Variants in LCORL observed in about 807,000 individuals in gnomAD.
The protein encoded by LCORL is ligand-dependent nuclear receptor corepressor-like protein.
A neutral mutation model predicts 141.8 loss-of-function variants in LCORL; 41 were observed. The observed-to-expected ratio is 0.29, with a 90% CI of 0.23 to 0.38. The LOEUF is 0.38. Ranked by LOEUF, LCORL falls within the 10% of genes least tolerant of loss-of-function variation. The probability of loss-of-function intolerance (pLI) is 1.00; values close to 1 mark genes in which losing one functional copy is unlikely to be tolerated. For synonymous variants in LCORL, 618 were observed against 694.1 expected (o/e 0.89, Z 1.72); for missense variants, 1,759 against 2,035.0 (o/e 0.86, Z 2.61).
At chr4:18,009,367 A>C (rs1478682979) in intron 1 of LCORL, among the ~76,000 whole-genome samples, 1 of 150,582 alleles carries the variant, frequency 6.6e-6, no homozygotes, top group East Asian at 2.0e-4. Context: ...TTGGCCCCAA[A>C]ATCCCTACCC....
chr4:17,880,358 A>T, intron 6 of LCORL: 1 of 699,264 alleles, frequency 1.4e-6, no homozygotes, highest in Non-Finnish European at 1.8e-6. Flanking sequence ...TCTAGAATTT[A>T]TTCTCAGGTG....
Position 18,021,837 on chromosome 4 carries a change from G to A in LCORL, c.-86C>T, listed in dbSNP as rs1725676910. ...GCGAGCCCTCGGCGCGAGCCCCGGAGCGCGCGCCCCCCGGAGGGGGGTTGA... is the reference window on the plus strand; with the variant it reads ...GCGAGCCCTCGGCGCGAGCCCCGGAACGCGCGCCCCCCGGAGGGGGGTTGA... On this transcript the variant is annotated 5_prime_UTR_variant, in exon 1 of 8. Transcript: ENST00000635767. This position sits in a 1 kb window ranked among gnomAD's most constrained non-coding sequence, Gnocchi z 5.5. 2 of 1,386,146 alleles carry A rather than the reference G, an allele frequency of 1.4e-6. No homozygotes were observed. Among genetic ancestry groups the A allele is most frequent in the Admixed American group, 3.5e-5 (1 of 28,842 alleles). 85.9% of individuals were successfully genotyped at this position (1,386,146 alleles called of 1,614,324 possible). A position where few individuals can be genotyped will look rare whatever the true frequency, so the allele number is the denominator to read the frequency against.
intron 4 of LCORL, among the ~76,000 whole-genome samples, chr4:17,932,237 G>C (rs1029604264): frequency 6.6e-6 from 1 of 152,040 alleles, no homozygotes; most frequent in Non-Finnish European, 1.5e-5. Flanking sequence ...CTGTTTAACA[G>C]GGGAGTTCAA....
chr4:17,878,303 T>C, intron 6 of LCORL, 90 bp from the exon 7 acceptor site: 2 of 921,502 alleles, frequency 2.2e-6, no homozygotes, highest in Non-Finnish European at 2.8e-6. Flanking sequence ...AAAAGATATT[T>C]TGGTATTGCT....
At chr4:18,011,529 C>T (rs890140426) in intron 1 of LCORL, among the ~76,000 whole-genome samples, 3 of 151,722 alleles carry the variant, frequency 2.0e-5, no homozygotes, top group East Asian at 3.9e-4. Context: ...ACCTATAAAC[C>T]AATGGCACTG....
exon 4 of LCORL, chr4:17,961,988 C>T (rs774364018): frequency 1.9e-6 from 3 of 1,608,942 alleles, no homozygotes; most frequent in Non-Finnish European, 2.5e-6. Context: ...ATGATAGCTC[C>T]TCTGTTGGTG....
intron 1 of LCORL, among the ~76,000 whole-genome samples, chr4:18,011,705 T>G (rs928847679): frequency 6.6e-6 from 1 of 152,210 alleles, no homozygotes; most frequent in African/African-American, 2.4e-5. Context: ...AAATAAATGT[T>G]ACTGAAACGC....
chr4:17,859,343 G>A (rs1333056644), intron 7 of LCORL, among the ~76,000 whole-genome samples: 2 of 152,156 alleles, frequency 1.3e-5, no homozygotes, highest in Non-Finnish European at 2.9e-5. Context: ...TTGGGAAGCA[G>A]CCCCATCATA....
chr4:17,963,462 A>G (rs1259364011), intron 2 of LCORL, among the ~76,000 whole-genome samples: 1 of 152,032 alleles, frequency 6.6e-6, no homozygotes, highest in Non-Finnish European at 1.5e-5. Flanking sequence ...GAAATAGAAG[A>G]AAGCACTAGA....
intron 6 of LCORL, chr4:17,883,512 C>G: frequency 7.7e-7 from 1 of 1,301,236 alleles, no homozygotes; most frequent in Non-Finnish European, 9.7e-7. Flanking sequence ...CTATATAATT[C>G]TGTCCACAGT....
intron 2 of LCORL, among the ~76,000 whole-genome samples, chr4:17,964,093 G>T (rs1714381829): frequency 6.6e-6 from 1 of 152,072 alleles, no homozygotes; most frequent in African/African-American, 2.4e-5. Flanking sequence ...CAGAAAAGAA[G>T]ATAATATGTT....
At chr4:17,997,888 C>G (rs1721158418) in intron 1 of LCORL, among the ~76,000 whole-genome samples, 2 of 152,058 alleles carry the variant, frequency 1.3e-5, no homozygotes, top group African/African-American at 4.8e-5. Flanking sequence ...AATACTCTTG[C>G]AAATTGAAGA....
intron 4 of LCORL, among the ~76,000 whole-genome samples, chr4:17,953,357 C>T (rs1413391978): frequency 6.6e-6 from 1 of 152,194 alleles, no homozygotes; most frequent in African/African-American, 2.4e-5. Context: ...ACTTACACTC[C>T]CACCAGCAGT....
chr4:17,938,574 A>G (rs71603391), intron 4 of LCORL, among the ~76,000 whole-genome samples: 38,455 of 150,396 alleles, frequency 0.26, 6,565 homozygotes, highest in African/African-American at 0.49. Flanking sequence ...GCACCACCAC[A>G]CCCGGCTAAT....
chr4:17,885,910 G>C (rs898784168), intron 6 of LCORL, among the ~76,000 whole-genome samples, 158 bp downstream of exon 6: 2 of 151,798 alleles, frequency 1.3e-5, no homozygotes, highest in African/African-American at 4.8e-5. Flanking sequence ...AAAAGAAAGA[G>C]AAAGGACAAA....
At chr4:17,845,766 C>T (rs371769266) in exon 8 of LCORL, 22 of 1,613,302 alleles carry the variant, frequency 1.4e-5, no homozygotes, top group African/African-American at 5.3e-5. Context: ...CTGTACAGCT[C>T]GTTAGAGATG....
intron 4 of LCORL, among the ~76,000 whole-genome samples, chr4:17,918,045 C>A (rs1480346814): frequency 6.6e-6 from 1 of 152,208 alleles, no homozygotes; most frequent in Non-Finnish European, 1.5e-5. Context: ...CCATGGCAAA[C>A]ACTGAGAGTC....
chr4:17,871,984 T>C (rs1383653967), intron 7 of LCORL, among the ~76,000 whole-genome samples: 1 of 152,058 alleles, frequency 6.6e-6, no homozygotes, highest in Non-Finnish European at 1.5e-5. Flanking sequence ...ATCATTAACT[T>C]ATTAAAAATC....
intron 1 of LCORL, among the ~76,000 whole-genome samples, chr4:17,994,347 C>A (rs914924815): frequency 1.3e-5 from 2 of 152,006 alleles, no homozygotes; most frequent in Non-Finnish European, 2.9e-5. Flanking sequence ...CTCCCTGACC[C>A]CCGCACCTGC....
Sources: allele counts gnomAD v4.1 joint callset (sites outside exome capture counted in the v4.1 genomes callset), GRCh38; gene constraint gnomAD v4.1.1; non-coding constraint Gnocchi (gnomAD v3.1); transcripts MANE v1.5; gene names NCBI Gene and HGNC (gene_info 2026-07-23, HGNC 2026-07-21).